KLC3: variants seen among roughly 807,000 people sequenced by gnomAD.
The protein encoded by KLC3 is kinesin light chain 2.
In KLC3, 72 loss-of-function variants were observed where a neutral mutation model predicts 62.9. That is an observed-to-expected ratio of 1.15 (90% CI 0.95 to 1.39). KLC3 has a LOEUF of 1.39. Ranked by LOEUF, KLC3 falls within the 40% of genes most tolerant of loss-of-function variation. The pLI is 0.00. For synonymous variants in KLC3, 377 were observed against 300.5 expected, an observed-to-expected ratio of 1.25 and a Z score of -2.63; for missense variants, 848 against 691.6, an observed-to-expected ratio of 1.23 and a Z score of -2.54.
At chr19:45,343,680 T>C (rs952769217) in intron 1 of KLC3, among the ~76,000 whole-genome samples, 1 of 152,136 alleles carries the variant, frequency 6.6e-6, no homozygotes, top group Non-Finnish European at 1.5e-5. Context: ...TGGGAGTGTA[T>C]ACAGATTGTT....
At chr19:45,345,453 G>A (rs1320518329) in intron 1 of KLC3, 81 bp from the exon 2 acceptor site, 3 of 1,532,784 alleles carry the variant, frequency 2.0e-6, no homozygotes, top group South Asian at 2.4e-5. Context: ...GGGTCCTGAT[G>A]GCCATTATGG....
chr19:45,348,239 C>CCCTCTGT, intron 5 of KLC3, 79 bp downstream of exon 5: 6 of 1,293,390 alleles, frequency 4.6e-6, no homozygotes, highest in Non-Finnish European at 6.4e-6. Context: ...TCCTGGTGCC[C>CCCTCTGT]CCTCTGTCAC....
intron 3 of KLC3, 169 bp from the exon 4 acceptor site, chr19:45,347,278 G>A (rs1971523118): frequency 7.0e-6 from 4 of 569,072 alleles, no homozygotes; most frequent in East Asian, 3.0e-5. Context: ...GGAGGTGGAG[G>A]TTGCTGTGAG....
At position 45,348,179 on chromosome 19, in the gene KLC3, C is replaced by T; in HGVS notation, c.779+19C>T. 6.4e-7 allele frequency: 1 copy of T among 1,554,592 alleles called. No homozygotes were observed. The highest frequency in any genetic ancestry group is 8.7e-7 in the Non-Finnish European group (1 of 1,144,588). ...TGTACCGGTGAGCACTGCGGCCAGCCATGGCTGGGGGCAGGAACGGCAGGG... is the reference window on the plus strand; with the variant it reads ...TGTACCGGTGAGCACTGCGGCCAGCTATGGCTGGGGGCAGGAACGGCAGGG... On this transcript the variant is annotated intron_variant, in intron 5 of 12. Transcript: ENST00000391946.
intron 2 of KLC3, 106 bp downstream of exon 2, chr19:45,345,905 T>C (rs893066736): frequency 2.9e-5 from 37 of 1,257,206 alleles, no homozygotes; most frequent in Non-Finnish European, 3.9e-5. Flanking sequence ...GGGTTCACTA[T>C]TGCAGAGGGG....
At chr19:45,347,846 A>G in intron 4 of KLC3, 95 bp from the exon 5 acceptor site, 1 of 1,034,862 alleles carries the variant, frequency 9.7e-7, no homozygotes, top group Non-Finnish European at 1.4e-6. Context: ...GGGGCCAGTT[A>G]GGCAGTCCGG....
rs563880699 is a variant in KLC3, at chr19:45,349,767, G to A, written c.1143+165G>A. 1.9e-4 allele frequency: 125 copies of A among 657,746 alleles called. 1 individual carries two copies. The South Asian group carries it at 2.4e-3, about 12-fold the overall frequency. The allele number at this position is 657,746 out of a possible 1,614,324, so 40.7% of individuals were successfully genotyped here. A position where few individuals can be genotyped will look rare whatever the true frequency, so the allele number is the denominator to read the frequency against. On this transcript the variant is annotated intron_variant, in intron 8 of 12. Transcript: ENST00000391946. ...CAGGAGCTGGCTCAGCACAGAACAC[G>A]GAATCAGGAAACGCGTAAGTCCACG...
chr19:45,342,999 G>T (rs73940011), intron 1 of KLC3, among the ~76,000 whole-genome samples: 1 of 152,146 alleles, frequency 6.6e-6, no homozygotes, highest in Non-Finnish European at 1.5e-5. Context: ...CCCTCCACGC[G>T]TATTCACAGC....
At chr19:45,341,601 G>T (rs562292305) in intron 1 of KLC3, among the ~76,000 whole-genome samples, 2 of 151,364 alleles carry the variant, frequency 1.3e-5, no homozygotes, top group South Asian at 4.2e-4. Context: ...GTGGTGGACA[G>T]TGTGGCACTG....
chr19:45,350,801 C>CA, intron 11 of KLC3, 54 bp downstream of exon 11: 1 of 1,363,396 alleles, frequency 7.3e-7, no homozygotes, highest in Non-Finnish European at 1.0e-6. Flanking sequence ...ATCCACAGCC[C>CA]ACCCCACCCC....
At position 45,350,635 on chromosome 19, in the gene KLC3, C is replaced by CCCCAGGCCCTT. The variant is rs773980237; in HGVS notation, c.1273-4_1279dup. The CCCCAGGCCCTT allele has an allele frequency of 1.4e-4, 230 of 1,613,250 alleles. No individual in the cohort carries two copies. Among genetic ancestry groups the CCCCAGGCCCTT allele is most frequent in the Non-Finnish European group, 1.9e-4 (225 of 1,179,492 alleles). On this transcript the variant is annotated splice_region_variant and splice_polypyrimidine_tract_variant and intron_variant, in intron 10 of 12. Coordinates refer to ENST00000391946, the MANE Select transcript of KLC3 (RefSeq NM_177417.3). The stretch of plus-strand genomic sequence containing the variant: ...GGACTGAGCAGCATCCCCGGCCCCT[C>CCCCAGGCCCTT]CCCAGGCCCTTCGCCGCAGCAGCTC...
intron 8 of KLC3, chr19:45,349,979 A>G (rs1276276492): frequency 4.8e-6 from 2 of 419,252 alleles, no homozygotes; most frequent in Non-Finnish European, 8.6e-6. Context: ...CACCGAGGCC[A>G]TGCCACCAGC....
In KLC3 at chr19:45,350,938, G is replaced by C. The variant is rs368232994; in HGVS notation, c.1380-16G>C. The C allele has an allele frequency of 1.2e-6, 2 of 1,613,404 alleles. No individual in the cohort carries two copies. The highest frequency in any genetic ancestry group is 1.3e-5 in the African/African-American group (1 of 74,930). ...TCCTGGATTCACTCATTTCCTCCCT[G>C]CTGCCCTCTTTGCAGAATGAAGAGA... On this transcript the variant is annotated splice_polypyrimidine_tract_variant and intron_variant, in intron 11 of 12. Transcript: ENST00000391946.
At chr19:45,341,578 T>TGTGTGTGTGTGTGC in intron 1 of KLC3, among the ~76,000 whole-genome samples, 8 of 139,902 alleles carry the variant, frequency 5.7e-5, no homozygotes, top group African/African-American at 1.6e-4. Context: ...TGTGTGTGTG[T>TGTGTGTGTGTGTGC]GCGCGCGCGC....
In KLC3 at chr19:45,349,513, G is replaced by T. The variant is rs761028225; in HGVS notation, c.1054G>T (p.Val352Leu). Reference sequence around the variant, plus strand: ...CCAGAACCAGGGCAAGTTTGAGGACGTGGAGCGGCACTATGCCCGGGCCCT... The same window carrying T: ...CCAGAACCAGGGCAAGTTTGAGGACTTGGAGCGGCACTATGCCCGGGCCCT... ...LCQNQGKFED[V>L]ERHYARALSI... The change falls in exon 8 of 13, where the codon GTG (valine) becomes TTG (leucine). Residue 352 changes from valine to leucine, a missense_variant. By Grantham distance (32) the Val-to-Leu change is conservative. Coordinates refer to ENST00000391946, the MANE Select transcript of KLC3 (RefSeq NM_177417.3). 7.4e-6 allele frequency: 12 copies of T among 1,613,450 alleles called. No homozygotes were observed. The highest frequency in any genetic ancestry group is 2.2e-5 in the East Asian group (1 of 44,852).
Position 45,346,598 on chromosome 19 carries a change from C to T in KLC3, c.313C>T (p.Leu105=). 1 of 1,549,744 alleles carries T rather than the reference C, an allele frequency of 6.5e-7. No homozygotes were observed. The highest frequency in any genetic ancestry group is 8.7e-7 in the Non-Finnish European group (1 of 1,146,552). ...TGCACTGGAGGCAGAGAAGCAGCGG[C>T]TGCGCTCGCAGGCCCGGCGGCTGGC... ...VGALEAEKQR[L]RSQARRLAQE... is the part of the protein sequence containing the mutation. The change falls in exon 3 of 13, where the codon CTG becomes TTG. Residue 105 remains leucine, a synonymous_variant. Coordinates refer to ENST00000391946, the MANE Select transcript of KLC3 (RefSeq NM_177417.3).
At position 45,349,618 on chromosome 19, in the gene KLC3, C is replaced by A; in HGVS notation, c.1143+16C>A. On this transcript the variant is annotated intron_variant, in intron 8 of 12. Coordinates refer to ENST00000391946, the MANE Select transcript of KLC3 (RefSeq NM_177417.3). ...GAACAACCTGGTGAGGCCCCTGGGGCTCAGAGTGGGCCAAGAGTGGAGGGT... is the reference window on the plus strand; with the variant it reads ...GAACAACCTGGTGAGGCCCCTGGGGATCAGAGTGGGCCAAGAGTGGAGGGT... 6.4e-7 allele frequency: 1 copy of A among 1,567,766 alleles called. No individual in the cohort carries two copies. The highest frequency in any genetic ancestry group is 8.7e-7 in the Non-Finnish European group (1 of 1,150,826).
chr19:45,350,203 C>T, intron 8 of KLC3, 138 bp from the exon 9 acceptor site: 2 of 655,768 alleles, frequency 3.0e-6, no homozygotes, highest in Non-Finnish European at 2.6e-6. Flanking sequence ...AGGAGGATCA[C>T]TTGAGGCTAG....
chr19:45,350,838 C>T (rs1022533031), intron 11 of KLC3, 91 bp downstream of exon 11: 13 of 1,298,550 alleles, frequency 1.0e-5, no homozygotes, highest in Non-Finnish European at 1.4e-5. Flanking sequence ...AAGAACCTTC[C>T]ATGGCTCCCA....
Sources: allele counts gnomAD v4.1 joint callset (sites outside exome capture counted in the v4.1 genomes callset), GRCh38; gene constraint gnomAD v4.1.1; transcripts MANE v1.5; gene names NCBI Gene and HGNC (gene_info 2026-07-23, HGNC 2026-07-21).